Variants in PCDHGB3 observed in about 807,000 individuals in gnomAD.
PCDHGB3 encodes protocadherin gamma-B3.
PCDHGB3 carries 40 observed loss-of-function variants against 59.2 expected under a neutral mutation model. The ratio of observed to expected loss-of-function variants is 0.68; its 90% CI spans 0.52 to 0.88. The LOEUF is 0.88. Among genes scored for constraint, PCDHGB3 ranks in the 40% least tolerant of loss-of-function variants. The probability of loss-of-function intolerance (pLI) is 0.00; values close to 1 mark genes in which losing one functional copy is unlikely to be tolerated. For synonymous variants in PCDHGB3, 581 were observed against 503.6 expected, an observed-to-expected ratio of 1.15 and a Z score of -2.06; for missense variants, 1,309 against 1,187.9, an observed-to-expected ratio of 1.10 and a Z score of -1.50.
chr5:141,385,608 T>C, intron 1 of PCDHGB3: 2 of 1,153,978 alleles, frequency 1.7e-6, no homozygotes, highest in Non-Finnish European at 2.2e-6. Context: ...TTAACTCATA[T>C]ATTTTATACA....
intron 1 of PCDHGB3, among the ~76,000 whole-genome samples, chr5:141,425,769 A>C (rs1355689852): frequency 6.6e-6 from 1 of 152,256 alleles, no homozygotes; most frequent in Non-Finnish European, 1.5e-5. Flanking sequence ...ACAGGAGAGA[A>C]GACTTTGCCT....
intron 2 of PCDHGB3, among the ~76,000 whole-genome samples, chr5:141,503,239 C>G (rs1364808315): frequency 6.6e-6 from 1 of 152,088 alleles, no homozygotes; most frequent in Non-Finnish European, 1.5e-5. Flanking sequence ...TGGACAGTTT[C>G]TATCATACTC....
In PCDHGB3 at chr5:141,487,268, G is replaced by A; in HGVS notation, c.2416-7539G>A. ...CCTCTACTTGGCTGTGTCCCTAGTG[G>A]CAATTTGCTTTGTCTCCTTTGGCTC... On this transcript the variant is annotated intron_variant, in intron 1 of 3. Transcript: ENST00000576222. This position sits in a 1 kb window ranked among gnomAD's most constrained non-coding sequence, Gnocchi z 5.0. 4 of 1,614,100 alleles carry A rather than the reference G, an allele frequency of 2.5e-6. No homozygotes were observed. The South Asian group carries it at 4.4e-5, about 18-fold the overall frequency.
In PCDHGB3 at chr5:141,392,850, C is replaced by T. The variant is rs752526573; in HGVS notation, c.2415+20041C>T. ...ACAGAGTCGCCCCAGACGCGGCGAG[C>T]TGATCCTGCTGTGCGCGCTGCTGGG... On this transcript the variant is annotated intron_variant, in intron 1 of 3. Coordinates refer to ENST00000576222, the MANE Select transcript of PCDHGB3 (RefSeq NM_018924.5). The T allele has an allele frequency of 3.1e-6, 5 of 1,610,550 alleles. No homozygotes were observed. In the African/African-American group the frequency reaches 5.3e-5, roughly 17 times the overall value.
intron 1 of PCDHGB3, chr5:141,415,738 A>G (rs2095905853): frequency 5.6e-6 from 3 of 538,228 alleles, no homozygotes; most frequent in South Asian, 3.9e-5. Context: ...ATGTTTATTA[A>G]GGTTTTTTTT....
chr5:141,402,197 A>G (rs1346156119), intron 1 of PCDHGB3, among the ~76,000 whole-genome samples: 5 of 152,132 alleles, frequency 3.3e-5, no homozygotes, highest in Non-Finnish European at 5.9e-5. Context: ...TATTACTTTT[A>G]TAATACAAAA....
At chr5:141,376,281 C>G in intron 1 of PCDHGB3, 2 of 1,614,216 alleles carry the variant, frequency 1.2e-6, no homozygotes, top group Admixed American at 1.7e-5. Flanking sequence ...GGTGGCTTAG[C>G]GAGCATGCCC....
chr5:141,428,159 G>A (rs1377084529), intron 1 of PCDHGB3: 1 of 1,571,752 alleles, frequency 6.4e-7, no homozygotes, highest in East Asian at 2.2e-5. Context: ...GAACCTGCTG[G>A]TTGCTGTGCG....
At chr5:141,384,266 C>T in intron 1 of PCDHGB3, 1 of 1,613,876 alleles carries the variant, frequency 6.2e-7, no homozygotes. Context: ...CCCCACTCAT[C>T]CTACTCAGTC....
At chr5:141,380,483 A>G (rs1460206090) in intron 1 of PCDHGB3, among the ~76,000 whole-genome samples, 1 of 152,208 alleles carries the variant, frequency 6.6e-6, no homozygotes, top group Non-Finnish European at 1.5e-5. Flanking sequence ...TCTTCCCAAT[A>G]TCTCAGTCAA....
In PCDHGB3 at chr5:141,375,018, C is replaced by A; in HGVS notation, c.2415+2209C>A. 1.9e-6 allele frequency: 3 copies of A among 1,613,982 alleles called. No individual in the cohort carries two copies. The South Asian group carries it at 3.3e-5, about 18-fold the overall frequency. ...TCTGCAAATCTAGACTATGAGGACTCGAGTTTTTATGAGCTGGGTGTTGAA... is the reference window on the plus strand; with the variant it reads ...TCTGCAAATCTAGACTATGAGGACTAGAGTTTTTATGAGCTGGGTGTTGAA... On this transcript the variant is annotated intron_variant, in intron 1 of 3. Transcript: ENST00000576222.
At position 141,431,017 on chromosome 5, in the gene PCDHGB3, G is replaced by A. The variant is rs768036730; in HGVS notation, c.2415+58208G>A. 2.5e-6 allele frequency: 4 copies of A among 1,613,768 alleles called. No homozygotes were observed. Among genetic ancestry groups the A allele is most frequent in the South Asian group, 1.1e-5 (1 of 91,084 alleles). ...ATCCGCGCAGCGGCAGCTTGGTCAC[G>A]GCGGGCAGGATAGACCGGGAGGAGC... On this transcript the variant is annotated intron_variant, in intron 1 of 3. Transcript: ENST00000576222. This position sits in a 1 kb window ranked among gnomAD's most constrained non-coding sequence, Gnocchi z 4.8.
intron 1 of PCDHGB3, chr5:141,427,729 A>G (rs1176707357): frequency 8.5e-7 from 1 of 1,170,166 alleles, no homozygotes; most frequent in African/African-American, 1.5e-5. Context: ...CTAGGGCTGA[A>G]TGGCCAAGTC....
chr5:141,495,973 A>T, intron 2 of PCDHGB3, among the ~76,000 whole-genome samples: 1 of 146,986 alleles, frequency 6.8e-6, no homozygotes, highest in Admixed American at 6.8e-5. Flanking sequence ...TTTCTCTGTT[A>T]CTCTTTCTTT....
At chr5:141,388,353 G>A (rs1441506976) in intron 1 of PCDHGB3, 1 of 1,613,858 alleles carries the variant, frequency 6.2e-7, no homozygotes, top group Non-Finnish European at 8.5e-7. Flanking sequence ...ATTAGGATCT[G>A]CCCATGATGC....
At chr5:141,478,098 C>T (rs779493391) in intron 1 of PCDHGB3, 1 of 1,614,142 alleles carries the variant, frequency 6.2e-7, no homozygotes, top group South Asian at 1.1e-5. Flanking sequence ...ACCACTGCTA[C>T]CCTCACTGTG....
In PCDHGB3 at chr5:141,389,259, G is replaced by T. The variant is rs374136353; in HGVS notation, c.2415+16450G>T. ...CTCACAGTCTTCCTATATAGTCCAC[G>T]TGGCCGAGAACAACCCGCCTGGAGC... On this transcript the variant is annotated intron_variant, in intron 1 of 3. Transcript: ENST00000576222. The T allele has an allele frequency of 1.4e-5, 22 of 1,613,888 alleles. No individual in the cohort carries two copies. The African/African-American group carries it at 2.4e-4, about 18-fold the overall frequency.
In PCDHGB3 at chr5:141,477,806, G is replaced by T; in HGVS notation, c.2416-17001G>T. ...ATTTGTCACTGATCGCAATGACAAT[G>T]CCCCCCAGGTCCTATATCCTCGGCC... On this transcript the variant is annotated intron_variant, in intron 1 of 3. Coordinates refer to ENST00000576222, the MANE Select transcript of PCDHGB3 (RefSeq NM_018924.5). The surrounding 1 kb of genome is among the most constrained non-coding windows in gnomAD (Gnocchi z 4.9). 6.2e-7 allele frequency: 1 copy of T among 1,614,118 alleles called. No homozygotes were observed. The highest frequency in any genetic ancestry group is 8.5e-7 in the Non-Finnish European group (1 of 1,180,036).
At chr5:141,409,243 AATC>A in intron 1 of PCDHGB3, 1 of 1,614,032 alleles carries the variant, frequency 6.2e-7, no homozygotes, top group South Asian at 1.1e-5. Context: ...GCCCAGAAAT[AATC>A]ATCACTTCTC....
Sources: gnomAD v4.1 joint callset for allele counts (sites outside exome capture counted in the v4.1 genomes callset) on GRCh38, gnomAD v4.1.1 for gene constraint, Gnocchi (gnomAD v3.1) non-coding constraint, MANE v1.5 for transcripts, NCBI Gene and HGNC (gene_info 2026-07-23, HGNC 2026-07-21) for gene names.